TCF7L2: variants seen among roughly 807,000 people sequenced by gnomAD.
The protein encoded by TCF7L2 is transcription factor 7-like 2.
In TCF7L2, 23 loss-of-function variants were observed where a neutral mutation model predicts 77.9. The observed-to-expected ratio is 0.30, with a 90% CI of 0.21 to 0.42. TCF7L2 has a LOEUF of 0.42. Ranked by LOEUF, TCF7L2 falls within the 10% of genes least tolerant of loss-of-function variation. TCF7L2 has a pLI of 1.00. For missense variants in TCF7L2, 654 were observed against 793.1 expected (o/e 0.82, Z 2.11); for synonymous variants, 413 against 340.2 (o/e 1.21, Z -2.36).
At chr10:113,072,711 G>T (rs764775290) in intron 5 of TCF7L2, among the ~76,000 whole-genome samples, 2 of 152,222 alleles carry the variant, frequency 1.3e-5, no homozygotes, top group Non-Finnish European at 2.9e-5. Flanking sequence ...TCTTGTGCAT[G>T]CTTGGGAAAC....
At chr10:113,135,991 C>A (rs2067331685) in intron 5 of TCF7L2, among the ~76,000 whole-genome samples, 2 of 152,030 alleles carry the variant, frequency 1.3e-5, no homozygotes, top group African/African-American at 4.8e-5. Context: ...AGCAATTAAC[C>A]CCATCCCAGT....
intron 5 of TCF7L2, among the ~76,000 whole-genome samples, chr10:113,076,692 C>T (rs1332250204): frequency 6.6e-6 from 1 of 152,160 alleles, no homozygotes; most frequent in Non-Finnish European, 1.5e-5. Flanking sequence ...GTTTGCGGTT[C>T]CCACTTTAAC....
chr10:112,955,604 GTGTC>G (rs2033346323), intron 3 of TCF7L2, among the ~76,000 whole-genome samples: 1 of 152,156 alleles, frequency 6.6e-6, no homozygotes, highest in Non-Finnish European at 1.5e-5. Flanking sequence ...GATGCCCTCT[GTGTC>G]TGATTGAGAA....
At chr10:112,987,474 C>G (rs1353712330) in intron 4 of TCF7L2, 1 of 148,378 alleles carries the variant, frequency 6.7e-6, no homozygotes, top group African/African-American at 2.5e-5. Context: ...CCTTTTACTA[C>G]CATAACGGTG....
chr10:112,970,715 G>T (rs192557341), intron 4 of TCF7L2, among the ~76,000 whole-genome samples: 200 of 152,170 alleles, frequency 1.3e-3, no homozygotes, highest in African/African-American at 4.7e-3. Flanking sequence ...TTTGATGAGG[G>T]TCTCTTGTGT....
Position 112,951,573 on chromosome 10 carries a change from TC to T in TCF7L2, c.351del (p.Asn118ThrfsTer37). 7.3e-7 allele frequency: 1 copy of T among 1,367,012 alleles called. No individual in the cohort carries two copies. Among genetic ancestry groups the T allele is most frequent in the South Asian group, 1.3e-5 (1 of 76,718 alleles). 84.7% of individuals were successfully genotyped at this position (1,367,012 alleles called of 1,614,324 possible). ...ATCCCCGACCTGACGAGCCCCTACC[TC>T]CCCAACGGATCGCTCTCGCCCACCG... On this transcript the variant is annotated frameshift_variant, in exon 3 of 14. Transcript: ENST00000627217. LOFTEE classifies it high-confidence loss of function.
chr10:112,977,114 A>G (rs2039562459), intron 4 of TCF7L2, among the ~76,000 whole-genome samples: 1 of 152,032 alleles, frequency 6.6e-6, no homozygotes, highest in Admixed American at 6.6e-5. Context: ...TTGTGGATGG[A>G]TGAGCCTGCA....
intron 4 of TCF7L2, among the ~76,000 whole-genome samples, chr10:112,972,393 A>G (rs1176335463): frequency 1.3e-5 from 2 of 152,222 alleles, no homozygotes; most frequent in Admixed American, 6.5e-5. Flanking sequence ...GTCAGAGGCA[A>G]TAACAGTAGT....
chr10:113,034,128 C>G (rs2050722335), intron 4 of TCF7L2, among the ~76,000 whole-genome samples: 1 of 152,170 alleles, frequency 6.6e-6, no homozygotes, highest in Non-Finnish European at 1.5e-5. Flanking sequence ...ACAATCAGGC[C>G]TCTTCTTTAA....
At chr10:113,005,806 G>A (rs1235404964) in intron 4 of TCF7L2, among the ~76,000 whole-genome samples, 1 of 152,206 alleles carries the variant, frequency 6.6e-6, no homozygotes, top group Non-Finnish European at 1.5e-5. Flanking sequence ...ATACTCTTGA[G>A]TGGTTTGGGC....
intron 5 of TCF7L2, among the ~76,000 whole-genome samples, chr10:113,066,359 C>A (rs2057258315): frequency 1.3e-5 from 2 of 150,506 alleles, no homozygotes; most frequent in Non-Finnish European, 3.0e-5. Flanking sequence ...GAGCAAAAGT[C>A]CGTCTCAAAA....
At chr10:113,134,019 T>G (rs2067010765) in intron 5 of TCF7L2, among the ~76,000 whole-genome samples, 1 of 152,184 alleles carries the variant, frequency 6.6e-6, no homozygotes, top group Non-Finnish European at 1.5e-5. Flanking sequence ...ACCTTGTTTC[T>G]CCAAGTAAAA....
chr10:112,999,646 A>G (rs1590214051), intron 4 of TCF7L2, among the ~76,000 whole-genome samples: 1 of 152,328 alleles, frequency 6.6e-6, no homozygotes, highest in African/African-American at 2.4e-5. Flanking sequence ...GTTACTCGTC[A>G]CAAAAATAAG....
At chr10:113,045,743 C>T (rs2053328215) in intron 5 of TCF7L2, among the ~76,000 whole-genome samples, 1 of 152,168 alleles carries the variant, frequency 6.6e-6, no homozygotes, top group Admixed American at 6.5e-5. Flanking sequence ...GGATTATCTC[C>T]ACTTTCTCTA....
chr10:113,015,897 G>A (rs1483516364), intron 4 of TCF7L2, among the ~76,000 whole-genome samples: 1 of 152,176 alleles, frequency 6.6e-6, no homozygotes, highest in Non-Finnish European at 1.5e-5. Context: ...AAACACATTG[G>A]TCCCACTGTG....
At chr10:113,047,951 A>G (rs552487157) in intron 5 of TCF7L2, among the ~76,000 whole-genome samples, 4 of 152,122 alleles carry the variant, frequency 2.6e-5, no homozygotes, top group Non-Finnish European at 4.4e-5. Flanking sequence ...AATGTTAACA[A>G]GGTTACTGGA....
intron 4 of TCF7L2, among the ~76,000 whole-genome samples, chr10:112,995,015 C>T (rs1175414181): frequency 1.3e-5 from 2 of 152,062 alleles, no homozygotes; most frequent in African/African-American, 2.4e-5. Flanking sequence ...GCAGGAGAAT[C>T]GCTTGAACCT....
At chr10:112,966,706 G>A (rs2036993873) in intron 4 of TCF7L2, among the ~76,000 whole-genome samples, 1 of 152,196 alleles carries the variant, frequency 6.6e-6, no homozygotes, top group Non-Finnish European at 1.5e-5. Context: ...ACCCGTTGCT[G>A]AAGTGCCCCT....
intron 5 of TCF7L2, chr10:113,126,689 T>A (rs1339517698): frequency 1.0e-6 from 1 of 985,408 alleles, no homozygotes; most frequent in African/African-American, 1.7e-5. Context: ...TGCGTGAGCA[T>A]CTTGTCTGGC....
Sources: allele counts gnomAD v4.1 joint callset (sites outside exome capture counted in the v4.1 genomes callset), GRCh38; gene constraint gnomAD v4.1.1; transcripts MANE v1.5; gene names NCBI Gene and HGNC (gene_info 2026-07-23, HGNC 2026-07-21).